Variants in TIMMDC1 observed in about 807,000 individuals in gnomAD.
The protein encoded by TIMMDC1 is complex I assembly factor TIMMDC1, mitochondrial.
A neutral mutation model predicts 32.6 loss-of-function variants in TIMMDC1; 25 were observed. The observed-to-expected ratio is 0.77, with a 90% CI of 0.56 to 1.07. TIMMDC1 has a LOEUF of 1.07. TIMMDC1 is among the 50% of genes least tolerant of loss of function. The probability of loss-of-function intolerance (pLI) is 0.00; values close to 1 mark genes in which losing one functional copy is unlikely to be tolerated. For synonymous variants in TIMMDC1, 130 were observed against 127.6 expected (o/e 1.02, Z -0.13); for missense variants, 329 against 349.2 (o/e 0.94, Z 0.46).
chr3:119,506,109 A>G (rs1313997704), intron 4 of TIMMDC1, among the ~76,000 whole-genome samples: 6 of 152,250 alleles, frequency 3.9e-5, no homozygotes, highest in African/African-American at 1.2e-4. Context: ...AATAGGCATT[A>G]ATAGCGTTAG....
chr3:119,502,650 C>G (rs2081888039), intron 2 of TIMMDC1, among the ~76,000 whole-genome samples: 1 of 152,078 alleles, frequency 6.6e-6, no homozygotes, highest in South Asian at 2.1e-4. Context: ...CCTCAAACTT[C>G]TGGACTCAAG....
intron 1 of TIMMDC1, 165 bp downstream of exon 1, chr3:119,499,092 CTTTTTTTT>C (rs11317621): frequency 2.0e-5 from 8 of 402,552 alleles, no homozygotes; most frequent in African/African-American, 9.7e-5. Flanking sequence ...TTTTTTCTTT[CTTTTTTTT>C]TTTTTTTTTT....
rs1207296199 is a variant in TIMMDC1 at position 119,502,198 on chromosome 3, T to C, written c.361-1334T>C. 2.6e-5 allele frequency among the ~76,000 whole-genome samples: 4 copies of C among 152,236 alleles called. No homozygotes were observed. The East Asian group carries it at 7.7e-4, about 29-fold the overall frequency. On this transcript the variant is annotated intron_variant, in intron 2 of 6. Transcript: ENST00000494664. ...AAAACTATTCTAAATTCTTAGCATT[T>C]ATAATTTTTTTATTTTTTTAAAAAT... is the stretch of plus-strand genomic sequence containing the variant.
Position 119,524,053 on chromosome 3 carries a change from C to G in TIMMDC1, c.*297C>G, listed in dbSNP as rs111926984. The G allele has an allele frequency of 5.9e-4, 121 of 204,650 alleles. No homozygotes were observed. The highest frequency in any genetic ancestry group is 2.6e-3 in the African/African-American group (115 of 43,560). 12.7% of individuals were successfully genotyped at this position (204,650 alleles called of 1,614,324 possible). ...ATTTTAAGCAGTAAATAAAACATTTCGCAAAAGATTAAAGTTGAATTTTAC... is the reference window on the plus strand; with the variant it reads ...ATTTTAAGCAGTAAATAAAACATTTGGCAAAAGATTAAAGTTGAATTTTAC... On this transcript the variant is annotated 3_prime_UTR_variant, in exon 7 of 7. Coordinates refer to ENST00000494664, the MANE Select transcript of TIMMDC1 (RefSeq NM_016589.4).
chr3:119,509,422 TAAA>T (rs2081938882), intron 4 of TIMMDC1, among the ~76,000 whole-genome samples: 1 of 152,120 alleles, frequency 6.6e-6, no homozygotes, highest in Non-Finnish European at 1.5e-5. Flanking sequence ...TTTTCATCAG[TAAA>T]AAACTGATAC....
chr3:119,511,647 T>C (rs1181780663), intron 4 of TIMMDC1, among the ~76,000 whole-genome samples: 2 of 152,194 alleles, frequency 1.3e-5, no homozygotes, highest in Admixed American at 6.5e-5. Flanking sequence ...TCATAAATAC[T>C]ATGGAAGACA....
In TIMMDC1 at chr3:119,513,725, C is replaced by A; in HGVS notation, c.596+6C>A. The A allele has an allele frequency of 6.3e-7, 1 of 1,582,424 alleles. No individual in the cohort carries two copies. Among genetic ancestry groups the A allele is most frequent in the Non-Finnish European group, 8.6e-7 (1 of 1,167,246 alleles). On this transcript the variant is annotated splice_donor_region_variant and intron_variant, in intron 5 of 6. Transcript: ENST00000494664. ...ATAATTGGAGCCTTGCTGGGGTAAG[C>A]ATTAACATGGTTTGGTTCTAAATTG...
chr3:119,507,717 AT>A (rs1249954713), intron 4 of TIMMDC1, among the ~76,000 whole-genome samples: 5 of 151,852 alleles, frequency 3.3e-5, no homozygotes, highest in Admixed American at 2.0e-4. Context: ...ATGCCTTGTA[AT>A]TTTTTTTCTT....
intron 5 of TIMMDC1, among the ~76,000 whole-genome samples, chr3:119,516,388 G>A (rs2081985589): frequency 6.6e-6 from 1 of 152,104 alleles, no homozygotes; most frequent in South Asian, 2.1e-4. Flanking sequence ...GCATAATAAT[G>A]TCCTTGAAGT....
intron 2 of TIMMDC1, 105 bp from the exon 3 acceptor site, chr3:119,503,427 T>G (rs2081893198): frequency 2.8e-6 from 2 of 710,788 alleles, no homozygotes; most frequent in Middle Eastern, 2.5e-4. Context: ...TCTATCTGTT[T>G]GGGTGTACCT....
chr3:119,504,099 T>C, intron 4 of TIMMDC1, 78 bp downstream of exon 4: 1 of 1,095,876 alleles, frequency 9.1e-7, no homozygotes, highest in South Asian at 1.3e-5. Context: ...ACATCAGAAC[T>C]ACTGAATTCT....
chr3:119,523,037 C>T (rs1199740482), intron 6 of TIMMDC1, among the ~76,000 whole-genome samples: 1 of 152,036 alleles, frequency 6.6e-6, no homozygotes, highest in Admixed American at 6.6e-5. Context: ...ACTTTAATCC[C>T]GATAATCACT....
intron 4 of TIMMDC1, among the ~76,000 whole-genome samples, chr3:119,509,302 A>G (rs1454021387): frequency 3.3e-5 from 5 of 152,220 alleles, no homozygotes; most frequent in African/African-American, 9.6e-5. Flanking sequence ...GCAAAGACTT[A>G]TATATAAATT....
intron 4 of TIMMDC1, among the ~76,000 whole-genome samples, chr3:119,512,903 G>C (rs2081963836): frequency 6.6e-6 from 1 of 152,110 alleles, no homozygotes; most frequent in Admixed American, 6.6e-5. Context: ...ACAATACCCA[G>C]CTAATTTTTG....
intron 5 of TIMMDC1, among the ~76,000 whole-genome samples, chr3:119,516,133 A>T (rs2081984200): frequency 6.6e-6 from 1 of 152,196 alleles, no homozygotes; most frequent in South Asian, 2.1e-4. Context: ...TCACCATCTT[A>T]ATCATATTTT....
chr3:119,498,965 G>A (rs760834748), intron 1 of TIMMDC1, 38 bp downstream of exon 1: 3 of 1,600,154 alleles, frequency 1.9e-6, no homozygotes, highest in African/African-American at 2.7e-5. Context: ...GTAGGGGGCC[G>A]CGAAAGCGGT....
At chr3:119,520,832 C>T (rs1454392431) in intron 6 of TIMMDC1, among the ~76,000 whole-genome samples, 2 of 152,114 alleles carry the variant, frequency 1.3e-5, no homozygotes, top group Non-Finnish European at 2.9e-5. Flanking sequence ...CAAAACAATC[C>T]TTAACAAAAT....
At chr3:119,503,018 CTATT>C (rs2081890342) in intron 2 of TIMMDC1, among the ~76,000 whole-genome samples, 1 of 152,092 alleles carries the variant, frequency 6.6e-6, no homozygotes, top group Admixed American at 6.5e-5. Flanking sequence ...ATTTATTTAT[CTATT>C]TATAATTTAT....
chr3:119,500,935 G>A (rs2081870102), intron 2 of TIMMDC1, 75 bp downstream of exon 2: 1 of 1,458,796 alleles, frequency 6.9e-7, no homozygotes, highest in African/African-American at 1.4e-5. Context: ...CATTCAATTA[G>A]GTTGTGGGGA....
Sources: allele counts gnomAD v4.1 joint callset (sites outside exome capture counted in the v4.1 genomes callset), GRCh38; gene constraint gnomAD v4.1.1; transcripts MANE v1.5; gene names NCBI Gene and HGNC (gene_info 2026-07-23, HGNC 2026-07-21).